RARB: variants seen among roughly 807,000 people sequenced by gnomAD.
RARB encodes the protein retinoic acid receptor beta.
A neutral mutation model predicts 51.9 loss-of-function variants in RARB; 17 were observed. The observed-to-expected ratio is 0.33, with a 90% CI of 0.22 to 0.49. The LOEUF is 0.49. Ranked by LOEUF, RARB falls within the 20% of genes least tolerant of loss-of-function variation. The pLI, the probability that RARB is intolerant of heterozygous loss-of-function variation, is 0.99. For missense variants in RARB, 369 were observed against 550.8 expected, an observed-to-expected ratio of 0.67 and a Z score of 3.30; for synonymous variants, 215 against 195.4, an observed-to-expected ratio of 1.10 and a Z score of -0.84.
At chr3:25,058,311 G>T (rs975431543) in intron 2 of RARB, among the ~76,000 whole-genome samples, 1 of 151,698 alleles carries the variant, frequency 6.6e-6, no homozygotes, top group African/African-American at 2.4e-5. Flanking sequence ...TGTGTGGTTG[G>T]GTTGTATAAA....
intron 2 of RARB, among the ~76,000 whole-genome samples, chr3:24,889,551 G>A (rs1703335274): frequency 6.6e-6 from 1 of 151,946 alleles, no homozygotes; most frequent in African/African-American, 2.4e-5. Context: ...TGCCAATTTT[G>A]GTGCTCGTGG....
intron 5 of RARB, among the ~76,000 whole-genome samples, chr3:25,183,693 C>T (rs1182566842): frequency 6.6e-6 from 1 of 152,122 alleles, no homozygotes; most frequent in Non-Finnish European, 1.5e-5. Flanking sequence ...GATTTGTATA[C>T]TATAAATTTA....
intron 3 of RARB, among the ~76,000 whole-genome samples, chr3:25,561,920 G>A (rs1471645378): frequency 6.6e-6 from 1 of 152,070 alleles, no homozygotes; most frequent in Non-Finnish European, 1.5e-5. Flanking sequence ...TTGCCCTCCT[G>A]CCCTTCATCA....
intron 1 of RARB, among the ~76,000 whole-genome samples, chr3:25,449,472 C>G (rs1404408338): frequency 1.3e-5 from 2 of 152,132 alleles, no homozygotes; most frequent in African/African-American, 4.8e-5. Flanking sequence ...GTGTGTCTGT[C>G]TGTCTGACTT....
chr3:25,155,213 C>G (rs1700354734), intron 4 of RARB, among the ~76,000 whole-genome samples: 2 of 152,100 alleles, frequency 1.3e-5, no homozygotes, highest in Non-Finnish European at 2.9e-5. Context: ...CTTCCATGCT[C>G]TCTGTTCTGT....
At chr3:25,146,282 A>C (rs1381219378) in intron 4 of RARB, among the ~76,000 whole-genome samples, 1 of 152,036 alleles carries the variant, frequency 6.6e-6, no homozygotes, top group Non-Finnish European at 1.5e-5. Context: ...AAGTTGGTAA[A>C]CTTTTCCTAG....
chr3:25,435,302 A>T (rs914658592), intron 1 of RARB, among the ~76,000 whole-genome samples: 1 of 152,246 alleles, frequency 6.6e-6, no homozygotes, highest in African/African-American at 2.4e-5. Flanking sequence ...AACAAATAAG[A>T]TGAGTGCATC....
intron 2 of RARB, among the ~76,000 whole-genome samples, chr3:24,877,799 TCAGGTCAC>T (rs1345916180): frequency 1.3e-5 from 2 of 152,164 alleles, no homozygotes; most frequent in Admixed American, 1.3e-4. Context: ...GAAATGATCC[TCAGGTCAC>T]CATGCTGGAA....
intron 2 of RARB, among the ~76,000 whole-genome samples, chr3:24,870,463 A>T (rs1264561116): frequency 2.0e-5 from 3 of 151,984 alleles, no homozygotes; most frequent in African/African-American, 7.2e-5. Context: ...CTGGGCTCTT[A>T]GTTATGTTTT....
intron 2 of RARB, among the ~76,000 whole-genome samples, chr3:25,058,672 C>G (rs564053397): frequency 6.6e-6 from 1 of 151,706 alleles, no homozygotes; most frequent in South Asian, 2.1e-4. Flanking sequence ...GTATTATTTT[C>G]TTTATTGTTC....
At chr3:24,947,637 T>G (rs895169134) in intron 2 of RARB, among the ~76,000 whole-genome samples, 4 of 152,184 alleles carry the variant, frequency 2.6e-5, no homozygotes, top group Non-Finnish European at 5.9e-5. Context: ...GTGGTATGTG[T>G]CAAAGATTCT....
chr3:25,114,065 T>G (rs1405629360), intron 3 of RARB, among the ~76,000 whole-genome samples: 2 of 152,180 alleles, frequency 1.3e-5, no homozygotes, highest in African/African-American at 4.8e-5. Flanking sequence ...TTAACTGGTT[T>G]GTGTCTTGGG....
rs113061566 is a variant in RARB, at chr3:25,479,153, T to TG, written c.306+17812_306+17813insG. Among the ~76,000 whole-genome samples, 141 of 151,176 alleles carry TG rather than the reference T, an allele frequency of 9.3e-4. 1 individual carries two copies. The highest frequency in any genetic ancestry group is 3.3e-3 in the African/African-American group (135 of 41,380). On this transcript the variant is annotated intron_variant, in intron 2 of 7. Coordinates refer to ENST00000330688, the MANE Select transcript of RARB (RefSeq NM_000965.5). ...TAAAAATGTTGTCTGTCTGTCTGTC[T>TG]TCTTTTTTTTTTGCCTTTGAACTTG...
intron 4 of RARB, among the ~76,000 whole-genome samples, chr3:25,136,931 G>A (rs975387592): frequency 4.6e-5 from 7 of 151,962 alleles, no homozygotes; most frequent in East Asian, 1.9e-4. Context: ...ATCAACAACC[G>A]CACAGATTTG....
chr3:25,151,428 C>T (rs1700284852), intron 4 of RARB, among the ~76,000 whole-genome samples: 1 of 152,204 alleles, frequency 6.6e-6, no homozygotes, highest in Non-Finnish European at 1.5e-5. Context: ...CATTAAGTTT[C>T]ACTGTACCAG....
intron 2 of RARB, among the ~76,000 whole-genome samples, chr3:25,015,391 G>C (rs1697486300): frequency 1.3e-5 from 2 of 152,256 alleles, no homozygotes; most frequent in South Asian, 4.1e-4. Flanking sequence ...ATTTCATTGG[G>C]AGAGAATATT....
intron 3 of RARB, among the ~76,000 whole-genome samples, chr3:25,513,113 A>AC (rs1234975805): frequency 2.5e-5 from 3 of 121,290 alleles, no homozygotes; most frequent in South Asian, 5.3e-4. Context: ...CCCTGTCTTT[A>AC]CTAAAAAAAA....
At chr3:25,060,461 T>C (rs1228011103) in intron 3 of RARB, among the ~76,000 whole-genome samples, 1 of 151,840 alleles carries the variant, frequency 6.6e-6, no homozygotes, top group Non-Finnish European at 1.5e-5. Flanking sequence ...AGGGGCCAGA[T>C]AGTGAATACT....
chr3:24,868,460 A>G (rs1702890242), intron 2 of RARB, among the ~76,000 whole-genome samples: 1 of 151,928 alleles, frequency 6.6e-6, no homozygotes, highest in Non-Finnish European at 1.5e-5. Context: ...AGAACTCAAT[A>G]CTCTTGTAAA....
Sources: allele counts gnomAD v4.1 joint callset (sites outside exome capture counted in the v4.1 genomes callset), GRCh38; gene constraint gnomAD v4.1.1; transcripts MANE v1.5; gene names NCBI Gene and HGNC (gene_info 2026-07-23, HGNC 2026-07-21).